FAM135B: variants seen among roughly 807,000 people sequenced by gnomAD.
FAM135B encodes the protein family with sequence similarity 135 member B, also known as protein FAM135B.
FAM135B carries 43 observed loss-of-function variants against 127.7 expected under a neutral mutation model. That is an observed-to-expected ratio of 0.34 (90% CI 0.26 to 0.43). The LOEUF (loss-of-function observed/expected upper bound fraction) is 0.43, where lower values mean the gene tolerates loss of function less well. Ranked by LOEUF, FAM135B falls within the 20% of genes least tolerant of loss-of-function variation. The probability of loss-of-function intolerance (pLI) is 1.00; values close to 1 mark genes in which losing one functional copy is unlikely to be tolerated. For synonymous variants in FAM135B, 670 were observed against 665.1 expected (o/e 1.01, Z -0.11); for missense variants, 1,558 against 1,725.6 (o/e 0.90, Z 1.72).
chr8:138,222,303 G>A (rs1432636386), intron 7 of FAM135B, among the ~76,000 whole-genome samples: 2 of 152,100 alleles, frequency 1.3e-5, no homozygotes, highest in Non-Finnish European at 1.5e-5. Flanking sequence ...AATGGCAATC[G>A]CCTGCCCACT....
At chr8:138,211,924 C>T (rs1818173123) in intron 7 of FAM135B, among the ~76,000 whole-genome samples, 1 of 151,976 alleles carries the variant, frequency 6.6e-6, no homozygotes, top group South Asian at 2.1e-4. Context: ...AAAAATTAGC[C>T]AGGCGTAATG....
At chr8:138,448,450 C>T (rs1836316686) in intron 1 of FAM135B, among the ~76,000 whole-genome samples, 1 of 152,132 alleles carries the variant, frequency 6.6e-6, no homozygotes, top group Non-Finnish European at 1.5e-5. Context: ...TTCAGCTCAC[C>T]AGATTAGATC....
At chr8:138,411,128 G>C (rs1350493781) in intron 1 of FAM135B, among the ~76,000 whole-genome samples, 1 of 148,054 alleles carries the variant, frequency 6.8e-6, no homozygotes, top group Non-Finnish European at 1.5e-5. Flanking sequence ...TCACAGAATT[G>C]GAAAAAACTA....
chr8:138,397,790 G>A (rs569646424), intron 1 of FAM135B, among the ~76,000 whole-genome samples: 2 of 152,174 alleles, frequency 1.3e-5, no homozygotes, highest in East Asian at 1.9e-4. Context: ...TTTTCCTTTG[G>A]TGATGGCTCA....
rs199541409 is a variant in FAM135B, at chr8:138,436,340, A to AT, written c.-20+60330dup. On this transcript the variant is annotated intron_variant, in intron 1 of 19. Coordinates refer to ENST00000395297, the MANE Select transcript of FAM135B (RefSeq NM_015912.4). ...ATTTATCTGGAAAATACCCCTGAGC[A>AT]TTTTTTTTTATGCAATGCATAGCGG... Among the ~76,000 whole-genome samples the AT allele has an allele frequency of 4.3e-3, 648 of 151,640 alleles. 1 individual carries two copies. Among genetic ancestry groups the AT allele is most frequent in the South Asian group, 6.9e-3 (33 of 4,794 alleles).
rs1051255052 is a variant in FAM135B, at chr8:138,243,058, G to A, written c.553C>T (p.Pro185Ser). 7.5e-6 allele frequency: 12 copies of A among 1,609,542 alleles called. No homozygotes were observed. The Admixed American group carries it at 8.5e-5, about 11-fold the overall frequency. Residue 185 changes from proline (P) to serine (S), a missense_variant, in exon 7 of 20, where the codon CCA (proline) becomes TCA (serine). This residue lies in a region of FAM135B where 199 missense variants were observed against 245.7 expected (regional missense o/e 0.81). Transcript: ENST00000395297. The surrounding 1 kb of genome is among the most constrained non-coding windows in gnomAD (Gnocchi z 7.5). The stretch of plus-strand genomic sequence containing the variant: ...TTACCAAGCCAGGAGCCTCTTCCTG[G>A]ACGAGTAAAACTAAACAAAAGATAA... ...LQQPLISFTR[P>S]GRGSWLGKGG...
At chr8:138,147,229 A>G (rs1817729091) in intron 14 of FAM135B, among the ~76,000 whole-genome samples, 1 of 151,732 alleles carries the variant, frequency 6.6e-6, no homozygotes, top group African/African-American at 2.4e-5. Flanking sequence ...CTTTGGTCCC[A>G]CTGTTTCTAT....
intron 3 of FAM135B, among the ~76,000 whole-genome samples, chr8:138,309,858 C>CTTTTTTTTT (rs145453026): frequency 8.1e-5 from 7 of 86,756 alleles, no homozygotes; most frequent in African/African-American, 1.3e-4. Flanking sequence ...AGTCTTTCTA[C>CTTTTTTTTT]TTTTTTTTTT....
chr8:138,414,058 G>C (rs1489285022), intron 1 of FAM135B, among the ~76,000 whole-genome samples: 1 of 149,700 alleles, frequency 6.7e-6, no homozygotes, highest in Admixed American at 6.7e-5. Context: ...TGAGACCAAA[G>C]AATGTGTGTG....
intron 1 of FAM135B, among the ~76,000 whole-genome samples, chr8:138,389,963 T>C (rs1832449506): frequency 6.6e-6 from 1 of 152,186 alleles, no homozygotes; most frequent in South Asian, 2.1e-4. Flanking sequence ...TTATTGTACT[T>C]ATCTGCTTTG....
At chr8:138,345,193 C>A (rs1829326252) in intron 2 of FAM135B, among the ~76,000 whole-genome samples, 1 of 152,138 alleles carries the variant, frequency 6.6e-6, no homozygotes. Context: ...GAGTGGCAAG[C>A]CCAGGAAACA....
intron 5 of FAM135B, among the ~76,000 whole-genome samples, chr8:138,252,889 T>C (rs1185849540): frequency 2.0e-5 from 3 of 152,118 alleles, no homozygotes; most frequent in Non-Finnish European, 4.4e-5. Flanking sequence ...AACCTCTGCC[T>C]CCTGGGTTCA....
chr8:138,445,557 T>C (rs1469242372), intron 1 of FAM135B, among the ~76,000 whole-genome samples: 3 of 152,208 alleles, frequency 2.0e-5, no homozygotes, highest in East Asian at 1.9e-4. Flanking sequence ...AAAAGCCATA[T>C]GATTATCTCA....
intron 1 of FAM135B, among the ~76,000 whole-genome samples, chr8:138,398,310 G>A (rs1318538322): frequency 6.6e-6 from 1 of 152,212 alleles, no homozygotes; most frequent in Non-Finnish European, 1.5e-5. Context: ...GCAGTGACTG[G>A]ATTTTCAAGG....
chr8:138,310,304 A>G (rs1826582474), intron 3 of FAM135B, among the ~76,000 whole-genome samples: 1 of 152,028 alleles, frequency 6.6e-6, no homozygotes, highest in South Asian at 2.1e-4. Context: ...TTCTGACTCA[A>G]CACTCTGTGA....
intron 12 of FAM135B, among the ~76,000 whole-genome samples, chr8:138,163,107 G>A (rs902712050): frequency 2.6e-5 from 4 of 152,172 alleles, no homozygotes; most frequent in South Asian, 2.1e-4. Context: ...GTTAGTTAAC[G>A]TGCATTCAGA....
intron 1 of FAM135B, among the ~76,000 whole-genome samples, chr8:138,423,338 CG>C (rs1447193414): frequency 2.0e-5 from 3 of 152,130 alleles, no homozygotes; most frequent in Non-Finnish European, 2.9e-5. Flanking sequence ...AGCCAGATAT[CG>C]GGCGAAATTC....
chr8:138,180,468 C>T (rs4504688), intron 9 of FAM135B, among the ~76,000 whole-genome samples: 55,296 of 152,024 alleles, frequency 0.36, 10,402 homozygotes, highest in Middle Eastern at 0.49. Flanking sequence ...TCAGTTTTCC[C>T]ATCTGTAAAG....
chr8:138,150,666 C>CAAAAAATAAATA (rs386361029), intron 13 of FAM135B, among the ~76,000 whole-genome samples: 1,323 of 44,778 alleles, frequency 0.03, 11 homozygotes, highest in Admixed American at 0.059. Flanking sequence ...GACTCTGTCT[C>CAAAAAATAAATA]AATAAATAAA....
Sources: allele counts gnomAD v4.1 joint callset (sites outside exome capture counted in the v4.1 genomes callset), GRCh38; gene constraint gnomAD v4.1.1; regional missense constraint gnomAD v4.1.1; non-coding constraint Gnocchi (gnomAD v3.1); transcripts MANE v1.5; gene names NCBI Gene and HGNC (gene_info 2026-07-23, HGNC 2026-07-21).